Variants in PRKN observed in about 807,000 individuals in gnomAD.
PRKN encodes parkin RBR E3 ubiquitin protein ligase, also known as E3 ubiquitin-protein ligase parkin.
A neutral mutation model predicts 59.5 loss-of-function variants in PRKN; 56 were observed. That is an observed-to-expected ratio of 0.94 (90% CI 0.76 to 1.18). The LOEUF (loss-of-function observed/expected upper bound fraction) is 1.18, where lower values mean the gene tolerates loss of function less well. Among genes scored for constraint, PRKN ranks in the 50% most tolerant of loss-of-function variants. PRKN has a pLI of 0.00. For missense variants in PRKN, 657 were observed against 596.4 expected, an observed-to-expected ratio of 1.10 and a Z score of -1.06; for synonymous variants, 250 against 222.1, an observed-to-expected ratio of 1.13 and a Z score of -1.12.
At chr6:162,558,535 G>A (rs1201265703) in intron 1 of PRKN, among the ~76,000 whole-genome samples, 1 of 151,780 alleles carries the variant, frequency 6.6e-6, no homozygotes, top group African/African-American at 2.4e-5. Flanking sequence ...CTCCATGTTG[G>A]TCAGGCTGGT....
At chr6:161,794,325 C>T (rs1429555118) in intron 6 of PRKN, among the ~76,000 whole-genome samples, 3 of 152,234 alleles carry the variant, frequency 2.0e-5, no homozygotes, top group East Asian at 1.9e-4. Flanking sequence ...GGAGTGGCCA[C>T]GGTGCAGTGT....
chr6:161,874,806 T>C (rs1794623791), intron 6 of PRKN, among the ~76,000 whole-genome samples: 1 of 100,920 alleles, frequency 9.9e-6, no homozygotes, highest in South Asian at 3.7e-4. Context: ...ATGTATAAGA[T>C]ATATAAAATG....
chr6:161,901,735 T>G (rs1777923651), intron 6 of PRKN, among the ~76,000 whole-genome samples: 1 of 152,224 alleles, frequency 6.6e-6, no homozygotes, highest in African/African-American at 2.4e-5. Flanking sequence ...TGTTACATTT[T>G]GTAAATTCAT....
intron 3 of PRKN, among the ~76,000 whole-genome samples, chr6:162,240,471 T>A (rs1375623509): frequency 6.6e-6 from 1 of 152,172 alleles, no homozygotes; most frequent in Non-Finnish European, 1.5e-5. Flanking sequence ...GCTATGTGTC[T>A]CATGGCTACC....
At chr6:162,212,900 GA>G (rs2128075123) in intron 3 of PRKN, among the ~76,000 whole-genome samples, 1 of 152,264 alleles carries the variant, frequency 6.6e-6, no homozygotes, top group East Asian at 1.9e-4. Context: ...TCTAAACATA[GA>G]AAAGGTAATG....
rs754526693 is a variant in PRKN at position 162,236,929 on chromosome 6, G to GAAAGA, written c.412+25591_412+25595dup. Among the ~76,000 whole-genome samples, 230 of 151,766 alleles carry GAAAGA rather than the reference G, an allele frequency of 1.5e-3. 1 individual carries two copies. Among genetic ancestry groups the GAAAGA allele is most frequent in the African/African-American group, 4.5e-3 (185 of 41,396 alleles). On this transcript the variant is annotated intron_variant, in intron 3 of 11. Coordinates refer to ENST00000366898, the MANE Select transcript of PRKN (RefSeq NM_004562.3). The stretch of plus-strand genomic sequence containing the variant: ...GAAGGAAGGAAGGAGAGAGAAAGAA[G>GAAAGA]AAAGAAAAGAAAAGAAAAGAAAAGC...
rs572445151 is a variant in PRKN at position 162,496,099 on chromosome 6, T to C, written c.8-52626A>G. ...TTAAAAATACAAAAATAGTCAGGCATGGTGGCGAGCACCTGTAATCCCAGC... is the reference window on the plus strand; with the variant it reads ...TTAAAAATACAAAAATAGTCAGGCACGGTGGCGAGCACCTGTAATCCCAGC... On this transcript the variant is annotated intron_variant, in intron 1 of 11. Coordinates refer to ENST00000366898, the MANE Select transcript of PRKN (RefSeq NM_004562.3). 7.1e-4 allele frequency among the ~76,000 whole-genome samples: 108 copies of C among 152,140 alleles called. 2 individuals are homozygous for C. In the Middle Eastern group the frequency reaches 0.01, roughly 14 times the overall value.
chr6:162,172,898 G>T (rs1242475563), intron 4 of PRKN, among the ~76,000 whole-genome samples: 1 of 152,078 alleles, frequency 6.6e-6, no homozygotes, highest in African/African-American at 2.4e-5. Context: ...TTCCTCTCCA[G>T]AAGAAAGAGG....
Position 162,584,218 on chromosome 6 carries a change from AAAAAAACAAAAAAC to A in PRKN, c.8-140759_8-140746del, listed in dbSNP as rs201525617. Among the ~76,000 whole-genome samples the A allele has an allele frequency of 8.6e-5, 8 of 92,712 alleles. No homozygotes were observed. In the East Asian group the frequency reaches 3.5e-3, roughly 41 times the overall value. 60.8% of individuals were successfully genotyped at this position (92,712 alleles called of 152,430 possible). On this transcript the variant is annotated intron_variant, in intron 1 of 11. Coordinates refer to ENST00000366898, the MANE Select transcript of PRKN (RefSeq NM_004562.3). ...ACAGAGTGAGACTCCGTCTCAAAAA[AAAAAAACAAAAAAC>A]AAAAAACAAAAAACAAAAAAAAAAA...
chr6:162,015,557 C>G (rs1055819015), intron 5 of PRKN, among the ~76,000 whole-genome samples: 2 of 151,370 alleles, frequency 1.3e-5, no homozygotes, highest in East Asian at 3.9e-4. Flanking sequence ...GTCAGCTACG[C>G]TCTTGCTGCT....
chr6:162,104,280 C>A (rs575251881), intron 4 of PRKN, among the ~76,000 whole-genome samples: 3 of 152,280 alleles, frequency 2.0e-5, no homozygotes, highest in Admixed American at 1.3e-4. Context: ...CCTCCTGACG[C>A]CTGAACACAC....
Position 162,391,023 on chromosome 6 carries a change from G to A in PRKN, c.171+52287C>T, listed in dbSNP as rs148089733. The stretch of plus-strand genomic sequence containing the variant: ...TTCTTTAGTCCTAGAAAGAAGTGTT[G>A]TTAGAATTCCAAGGATATTTGGATG... On this transcript the variant is annotated intron_variant, in intron 2 of 11. Coordinates refer to ENST00000366898, the MANE Select transcript of PRKN (RefSeq NM_004562.3). Among the ~76,000 whole-genome samples the A allele has an allele frequency of 2.7e-3, 404 of 152,252 alleles. 2 individuals carry two copies. The highest frequency in any genetic ancestry group is 9.3e-3 in the African/African-American group (385 of 41,550).
rs568193906 is a variant in PRKN at position 161,567,052 on chromosome 6, T to C, written c.933+2303A>G. Among the ~76,000 whole-genome samples, 5 of 139,378 alleles carry C rather than the reference T, an allele frequency of 3.6e-5. No homozygotes were observed. In the South Asian group the frequency reaches 1.1e-3, roughly 32 times the overall value. 91.4% of individuals were successfully genotyped at this position (139,378 alleles called of 152,430 possible). On this transcript the variant is annotated intron_variant, in intron 8 of 11. Coordinates refer to ENST00000366898, the MANE Select transcript of PRKN (RefSeq NM_004562.3). ...TTTTTTTTTTTTGTGTGTGTGTGTGTGTGTGTGAGAGAGGGTCACTCTGTA... is the reference window on the plus strand; with the variant it reads ...TTTTTTTTTTTTGTGTGTGTGTGTGCGTGTGTGAGAGAGGGTCACTCTGTA...
chr6:162,069,073 G>T (rs4485990), intron 4 of PRKN, among the ~76,000 whole-genome samples: 5,741 of 152,156 alleles, frequency 0.038, 145 homozygotes, highest in Non-Finnish European at 0.054. Flanking sequence ...TTTATAGCTT[G>T]GGAGATGATA....
At chr6:162,302,207 G>A (rs946306182) in intron 2 of PRKN, among the ~76,000 whole-genome samples, 3 of 152,042 alleles carry the variant, frequency 2.0e-5, no homozygotes, top group Non-Finnish European at 4.4e-5. Flanking sequence ...ACACCTGAAA[G>A]AGCACGATAA....
intron 7 of PRKN, among the ~76,000 whole-genome samples, chr6:161,589,971 T>A (rs1285020314): frequency 6.6e-6 from 1 of 151,050 alleles, no homozygotes; most frequent in Non-Finnish European, 1.5e-5. Flanking sequence ...GTATTTTTAC[T>A]AGAGACAGGG....
intron 9 of PRKN, among the ~76,000 whole-genome samples, 155 bp from the exon 10 acceptor site, chr6:161,387,032 T>C (rs1348370994): frequency 6.6e-6 from 1 of 152,196 alleles, no homozygotes; most frequent in East Asian, 1.9e-4. Context: ...TCAAGTTATG[T>C]TTTGATGGGA....
chr6:162,636,933 C>T (rs1253053120), intron 1 of PRKN, among the ~76,000 whole-genome samples: 1 of 151,216 alleles, frequency 6.6e-6, no homozygotes, highest in Non-Finnish European at 1.5e-5. Context: ...GCACATCAGC[C>T]TGGCAACGGA....
intron 7 of PRKN, among the ~76,000 whole-genome samples, chr6:161,628,027 A>G (rs1783156108): frequency 6.6e-6 from 1 of 152,212 alleles, no homozygotes; most frequent in Admixed American, 6.5e-5. Context: ...AAACAAACAA[A>G]CATGATGGTG....
Sources: allele counts gnomAD v4.1 joint callset (sites outside exome capture counted in the v4.1 genomes callset), GRCh38; gene constraint gnomAD v4.1.1; transcripts MANE v1.5; gene names NCBI Gene and HGNC (gene_info 2026-07-23, HGNC 2026-07-21).